The following ENPP1 variants were observed in gnomAD, a reference collection of about 807,000 sequenced individuals.
The protein encoded by ENPP1 is ectonucleotide pyrophosphatase/phosphodiesterase family member 1.
A neutral mutation model predicts 122.8 loss-of-function variants in ENPP1; 73 were observed. That is an observed-to-expected ratio of 0.59 (90% CI 0.49 to 0.72). The LOEUF is 0.72. Among genes scored for constraint, ENPP1 ranks in the 30% least tolerant of loss-of-function variants. The probability of loss-of-function intolerance (pLI) is 0.00; values close to 1 mark genes in which losing one functional copy is unlikely to be tolerated. For missense variants in ENPP1, 978 were observed against 1,128.1 expected (o/e 0.87, Z 1.91); for synonymous variants, 367 against 391.6 (o/e 0.94, Z 0.74).
intron 13 of ENPP1, among the ~76,000 whole-genome samples, chr6:131,870,777 T>C (rs1042157422): frequency 6.6e-6 from 1 of 152,142 alleles, no homozygotes; most frequent in Non-Finnish European, 1.5e-5. Flanking sequence ...AAACCTGTTA[T>C]AAAAACTATA....
intron 9 of ENPP1, among the ~76,000 whole-genome samples, 188 bp from the exon 10 acceptor site, chr6:131,864,316 ATC>A (rs1308171716): frequency 1.5e-4 from 23 of 152,346 alleles, no homozygotes; most frequent in African/African-American, 5.5e-4. Context: ...TGCAATTTTT[ATC>A]TGTGTAAAAC....
chr6:131,828,105 T>C lies in ENPP1; in HGVS notation c.241-19671T>C. ...TGTTTCTCGTAACAGACAGCGTTGA[T>C]GTAGGAGTCCTGCTGTCAGTGGAGG... On this transcript the variant is annotated intron_variant, in intron 1 of 24. Coordinates refer to ENST00000647893, the MANE Select transcript of ENPP1 (RefSeq NM_006208.3). The C allele has an allele frequency of 6.6e-6, 4 of 609,000 alleles. No individual in the cohort carries two copies. In the East Asian group the frequency reaches 1.2e-4, roughly 19 times the overall value. 37.7% of individuals were successfully genotyped at this position (609,000 alleles called of 1,614,324 possible).
At chr6:131,824,434 A>G (rs1434381774) in intron 1 of ENPP1, among the ~76,000 whole-genome samples, 1 of 147,370 alleles carries the variant, frequency 6.8e-6, no homozygotes, top group Non-Finnish European at 1.5e-5. Context: ...AGCCATCTCC[A>G]GGCAGGATTT....
At chr6:131,821,593 A>G (rs1244639713) in intron 1 of ENPP1, among the ~76,000 whole-genome samples, 1 of 152,168 alleles carries the variant, frequency 6.6e-6, no homozygotes, top group African/African-American at 2.4e-5. Flanking sequence ...TGTTGCTTAT[A>G]ATTTAATTGC....
At chr6:131,845,178 G>A in intron 1 of ENPP1, among the ~76,000 whole-genome samples, 1 of 145,758 alleles carries the variant, frequency 6.9e-6, no homozygotes, top group Middle Eastern at 3.4e-3. Flanking sequence ...GATTACAGGA[G>A]CCTACCACTG....
intron 9 of ENPP1, among the ~76,000 whole-genome samples, chr6:131,862,471 A>T (rs1258061096): frequency 6.6e-6 from 1 of 152,170 alleles, no homozygotes; most frequent in African/African-American, 2.4e-5. Flanking sequence ...GCTGTGTGGG[A>T]GACTGGAGTT....
At chr6:131,877,969 C>T (rs1465445134) in intron 18 of ENPP1, 1 of 137,300 alleles carries the variant, frequency 7.3e-6, no homozygotes, top group Admixed American at 7.6e-5. Context: ...AGAAGAAAGA[C>T]TGTTGGGGTA....
In ENPP1 at chr6:131,878,552, T is replaced by C; in HGVS notation, c.1904T>C (p.Ile635Thr). ...GCSCNPSILP[I>T]EDFQTQFNLT... is the part of the protein sequence containing the mutation. ...TATAACCTTTTTTAGATTTTGCCGA[T>C]TGAGGATTTTCAAACACAGTTCAAT... The change falls in exon 19 of 25, where the codon ATT becomes ACT. Residue 635 changes from isoleucine (I) to threonine (T), a missense_variant. Ile to Thr is a moderately conservative substitution (Grantham distance 89). This residue lies in a region of ENPP1 where 644 missense variants were observed against 781.5 expected (regional missense o/e 0.82). Coordinates refer to ENST00000647893, the MANE Select transcript of ENPP1 (RefSeq NM_006208.3). 1 of 1,610,792 alleles carries C rather than the reference T, an allele frequency of 6.2e-7. No individual in the cohort carries two copies. Among genetic ancestry groups the C allele is most frequent in the Non-Finnish European group, 8.5e-7 (1 of 1,177,138 alleles).
Position 131,848,864 on chromosome 6 carries a change from G to C in ENPP1, c.313+1016G>C, listed in dbSNP as rs17060824. 1.4e-3 allele frequency among the ~76,000 whole-genome samples: 218 copies of C among 152,194 alleles called. 5 individuals are homozygous for C. The East Asian group carries it at 0.038, about 27-fold the overall frequency. On this transcript the variant is annotated intron_variant, in intron 2 of 24. Transcript: ENST00000647893. ...CCAGGTCAGGAAAGTTCGTATTTCT[G>C]ACACTAGAAATTATTATTGTTACTT...
intron 1 of ENPP1, chr6:131,820,513 T>C (rs1402397247): frequency 6.6e-6 from 1 of 152,670 alleles, no homozygotes; most frequent in Non-Finnish European, 1.5e-5. Flanking sequence ...AACCAGTCTT[T>C]GGTCAAGGGT....
chr6:131,854,823 T>C (rs895899343), intron 5 of ENPP1, 103 bp from the exon 6 acceptor site: 1 of 811,036 alleles, frequency 1.2e-6, no homozygotes, highest in Non-Finnish European at 2.2e-6. Flanking sequence ...CAGACCTTAG[T>C]GGAAAATCTT....
rs1231106713 is a variant in ENPP1 at position 131,861,635 on chromosome 6, C to T, written c.956C>T (p.Thr319Ile). 2.5e-6 allele frequency: 4 copies of T among 1,613,868 alleles called. No individual in the cohort carries two copies. The highest frequency in any genetic ancestry group is 2.2e-5 in the East Asian group (1 of 44,858). Residue 319 changes from threonine to isoleucine, a missense_variant, in exon 9 of 25, where the codon ACA (threonine) becomes ATA (isoleucine). Around this residue, in one of 3 missense-constraint regions of ENPP1, gnomAD observed 644 missense variants for 781.5 expected, o/e 0.82. Coordinates refer to ENST00000647893, the MANE Select transcript of ENPP1 (RefSeq NM_006208.3). ...TAKYQGLKSGTFFWPGSDVEI... is the reference protein window; with the variant it reads ...TAKYQGLKSGIFFWPGSDVEI... ...AAGTATCAAGGCCTCAAGTCTGGCACATTTTTCTGGCCAGGATCAGATGTG... is the reference window on the plus strand; with the variant it reads ...AAGTATCAAGGCCTCAAGTCTGGCATATTTTTCTGGCCAGGATCAGATGTG...
intron 17 of ENPP1, among the ~76,000 whole-genome samples, chr6:131,876,299 G>C (rs548442264): frequency 6.6e-6 from 1 of 152,094 alleles, no homozygotes; most frequent in South Asian, 2.1e-4. Context: ...GACCCATTAG[G>C]GAGATTCTTG....
chr6:131,867,915 CTTTG>C (rs1444119993), intron 11 of ENPP1, 99 bp from the exon 12 acceptor site: 22 of 812,468 alleles, frequency 2.7e-5, no homozygotes, highest in Middle Eastern at 2.3e-4. Flanking sequence ...TTCTTTCTTT[CTTTG>C]TTTCTTTCTT....
At chr6:131,867,911 C>G (rs1782110377) in intron 11 of ENPP1, 107 bp from the exon 12 acceptor site, 1 of 795,596 alleles carries the variant, frequency 1.3e-6, no homozygotes, top group African/African-American at 1.8e-5. Flanking sequence ...GTCTTTCTTT[C>G]TTTCTTTGTT....
At chr6:131,881,289 A>T (rs1782302311) in intron 20 of ENPP1, among the ~76,000 whole-genome samples, 1 of 152,172 alleles carries the variant, frequency 6.6e-6, no homozygotes, top group Non-Finnish European at 1.5e-5. Flanking sequence ...AAAATTTTTC[A>T]ATACTGTCTT....
chr6:131,840,506 G>A (rs1290533031), intron 1 of ENPP1, among the ~76,000 whole-genome samples: 2 of 152,198 alleles, frequency 1.3e-5, no homozygotes, highest in African/African-American at 4.8e-5. Context: ...GATACTTCTA[G>A]TAGGAACTAC....
chr6:131,851,670 G>A (rs1178131123), intron 4 of ENPP1, among the ~76,000 whole-genome samples: 1 of 152,160 alleles, frequency 6.6e-6, no homozygotes, highest in East Asian at 1.9e-4. Context: ...GACACTGTCT[G>A]CTGTGCATTG....
rs927869265 is a variant in ENPP1 at position 131,890,934 on chromosome 6, G to A, written c.*423G>A. ...GCCCATGTTATGTGACTATCTTTAT[G>A]AGAATTTTAAAGTGGTTCTGGATAT... On this transcript the variant is annotated 3_prime_UTR_variant, in exon 25 of 25. Transcript: ENST00000647893. 3.7e-5 allele frequency: 6 copies of A among 161,156 alleles called. No homozygotes were observed. The highest frequency in any genetic ancestry group is 3.0e-4 in the Admixed American group (5 of 16,528). 10.0% of individuals were successfully genotyped at this position (161,156 alleles called of 1,614,324 possible).
Sources: gnomAD v4.1 joint callset for allele counts (sites outside exome capture counted in the v4.1 genomes callset) on GRCh38, gnomAD v4.1.1 for gene constraint, gnomAD v4.1.1 regional missense constraint, MANE v1.5 for transcripts, NCBI Gene and HGNC (gene_info 2026-07-23, HGNC 2026-07-21) for gene names.